CUBN: variants seen among roughly 807,000 people sequenced by gnomAD.
CUBN encodes cubilin, also known as 460 kDa receptor.
In CUBN, 282 loss-of-function variants were observed where a neutral mutation model predicts 405.3. That is an observed-to-expected ratio of 0.70 (90% CI 0.63 to 0.77). CUBN has a LOEUF of 0.77. Ranked by LOEUF, CUBN falls within the 30% of genes least tolerant of loss-of-function variation. The probability of loss-of-function intolerance (pLI) is 0.00; values close to 1 mark genes in which losing one functional copy is unlikely to be tolerated. For synonymous variants in CUBN, 1,684 were observed against 1,617.0 expected, an observed-to-expected ratio of 1.04 and a Z score of -0.99; for missense variants, 4,514 against 4,475.2, an observed-to-expected ratio of 1.01 and a Z score of -0.25.
At chr10:17,105,967 T>A (rs1203035557) in intron 10 of CUBN, among the ~76,000 whole-genome samples, 1 of 152,130 alleles carries the variant, frequency 6.6e-6, no homozygotes, top group Non-Finnish European at 1.5e-5. Context: ...CTGGACTTAC[T>A]CTGACTGATT....
intron 10 of CUBN, among the ~76,000 whole-genome samples, chr10:17,108,370 G>A (rs180792798): frequency 8.3e-6 from 1 of 120,792 alleles, no homozygotes; most frequent in Non-Finnish European, 1.8e-5. Context: ...TAAGCATTTA[G>A]TCACAAGTAT....
At chr10:17,089,483 A>G (rs909553290) in intron 14 of CUBN, among the ~76,000 whole-genome samples, 2 of 152,224 alleles carry the variant, frequency 1.3e-5, no homozygotes, top group African/African-American at 2.4e-5. Flanking sequence ...ATGTCTCTTA[A>G]ACATATGAAA....
In CUBN at chr10:16,914,987, C is replaced by T. The variant is rs369594583; in HGVS notation, c.7351+45G>A. The T allele has an allele frequency of 2.6e-6, 4 of 1,531,384 alleles. No homozygotes were observed. The African/African-American group carries it at 5.5e-5, about 21-fold the overall frequency. 94.9% of individuals were successfully genotyped at this position (1,531,384 alleles called of 1,614,324 possible). ...ACTGGTGCCTAGCATAGTGTCTGTC[C>T]AATGCAGGTGCTCAATGTTGTGTTG... On this transcript the variant is annotated intron_variant, in intron 47 of 66. Transcript: ENST00000377833.
intron 23 of CUBN, 86 bp downstream of exon 23, chr10:17,047,326 CAT>C: frequency 9.1e-7 from 1 of 1,100,548 alleles, no homozygotes; most frequent in Non-Finnish European, 1.3e-6. Flanking sequence ...AGAGAATTTC[CAT>C]ATTTTTTTCC....
At chr10:17,022,939 T>G (rs1166467095) in intron 27 of CUBN, among the ~76,000 whole-genome samples, 1 of 152,196 alleles carries the variant, frequency 6.6e-6, no homozygotes, top group Non-Finnish European at 1.5e-5. Context: ...TCCATAACTA[T>G]AATCACCCTA....
At chr10:16,831,188 T>C in intron 65 of CUBN, 64 bp downstream of exon 65, 1 of 1,445,332 alleles carries the variant, frequency 6.9e-7, no homozygotes, top group Non-Finnish European at 9.7e-7. Flanking sequence ...TACTTTGCCT[T>C]TTACTATTAG....
rs1373945583 is a variant in CUBN, at chr10:16,869,812, T to C, written c.9278A>G (p.His3093Arg). Residue 3093 changes from histidine to arginine, a missense_variant, in exon 59 of 67, where the codon CAT (histidine) becomes CGT (arginine). Physicochemically the swap from His to Arg is conservative, Grantham distance 29. This residue lies in a region of CUBN where 1,186 missense variants were observed against 1,186.9 expected (regional missense o/e 1.00). Coordinates refer to ENST00000377833, the MANE Select transcript of CUBN (RefSeq NM_001081.4). ...FDVVPSTSCS[H>R]DYLAIYDGAN... Reference sequence around the variant, plus strand: ...ACCATCGTAAATTGCCAGGTAGTCATGGGAGCAGGAGGTGGAGGGAACCAC... The same window carrying C: ...ACCATCGTAAATTGCCAGGTAGTCACGGGAGCAGGAGGTGGAGGGAACCAC... 2 of 1,613,934 alleles carry C rather than the reference T, an allele frequency of 1.2e-6. No individual in the cohort carries two copies. The highest frequency in any genetic ancestry group is 2.2e-5 in the East Asian group (1 of 44,888).
At chr10:16,847,598 A>C (rs1429975004) in intron 60 of CUBN, among the ~76,000 whole-genome samples, 1 of 152,212 alleles carries the variant, frequency 6.6e-6, no homozygotes, top group Non-Finnish European at 1.5e-5. Flanking sequence ...TGAACTCTTC[A>C]AGAGATGTCT....
At chr10:17,040,385 C>G (rs186945316) in intron 27 of CUBN, among the ~76,000 whole-genome samples, 4 of 151,990 alleles carry the variant, frequency 2.6e-5, no homozygotes, top group Non-Finnish European at 5.9e-5. Context: ...GCCAAAATAA[C>G]CTCCCAATTT....
intron 13 of CUBN, among the ~76,000 whole-genome samples, chr10:17,101,720 G>A (rs904457405): frequency 1.8e-4 from 27 of 152,240 alleles, no homozygotes; most frequent in African/African-American, 4.8e-4. Flanking sequence ...TTTGAAGAGC[G>A]TTCACGGAGC....
At chr10:17,118,424 T>C (rs1328171199) in intron 6 of CUBN, among the ~76,000 whole-genome samples, 1 of 152,190 alleles carries the variant, frequency 6.6e-6, no homozygotes, top group Non-Finnish European at 1.5e-5. Context: ...GCTGCATTTT[T>C]ATGCACCTTT....
intron 15 of CUBN, among the ~76,000 whole-genome samples, chr10:17,087,466 C>CTTTTCTTT (rs1404980820): frequency 6.1e-4 from 49 of 79,772 alleles, no homozygotes; most frequent in Middle Eastern, 7.7e-3. Context: ...TATTATTTTT[C>CTTTTCTTT]TTTTTCTTTT....
At chr10:17,054,193 T>G (rs888919303) in intron 22 of CUBN, among the ~76,000 whole-genome samples, 1 of 151,740 alleles carries the variant, frequency 6.6e-6, no homozygotes, top group East Asian at 1.9e-4. Flanking sequence ...TAACCAGGCA[T>G]GGTGGCGAGC....
intron 14 of CUBN, among the ~76,000 whole-genome samples, chr10:17,091,665 TGAG>T (rs1449364770): frequency 7.9e-5 from 12 of 152,182 alleles, no homozygotes; most frequent in African/African-American, 2.9e-4. Context: ...AAGTTCAACC[TGAG>T]GAGATCAGAA....
Position 16,840,464 on chromosome 10 carries a change from C to T in CUBN, c.9898G>A (p.Asp3300Asn), listed in dbSNP as rs1279757838. The change falls in exon 62 of 67, where the codon GAT becomes AAT. Residue 3300 changes from aspartate to asparagine, a missense_variant. Asp to Asn is a conservative substitution (Grantham distance 23). Transcript: ENST00000377833. ...CAAGTACAGATGGAAAATGGGACAT[C>T]TGGGTCTGATGAATTGGGTGATGAA... ...NISSPNSSDP[D>N]VPFSICTWVI... 6.2e-7 allele frequency: 1 copy of T among 1,613,952 alleles called. No homozygotes were observed. The highest frequency in any genetic ancestry group is 1.1e-5 in the South Asian group (1 of 91,046).
At chr10:17,015,834 G>A (rs183534198) in intron 28 of CUBN, among the ~76,000 whole-genome samples, 1 of 152,262 alleles carries the variant, frequency 6.6e-6, no homozygotes, top group East Asian at 1.9e-4. Context: ...AAACCACACT[G>A]ATAACAAGCC....
intron 36 of CUBN, among the ~76,000 whole-genome samples, chr10:16,946,164 A>C (rs1564439758): frequency 6.6e-6 from 1 of 152,210 alleles, no homozygotes; most frequent in East Asian, 1.9e-4. Context: ...AATAAATTTC[A>C]ATTCAAAACG....
intron 28 of CUBN, among the ~76,000 whole-genome samples, chr10:17,014,082 G>C (rs1287488758): frequency 1.3e-5 from 2 of 152,204 alleles, no homozygotes; most frequent in Admixed American, 6.5e-5. Flanking sequence ...TTGTCTGATA[G>C]CCATAAACTT....
chr10:16,941,540 G>C (rs73594260), intron 36 of CUBN, among the ~76,000 whole-genome samples: 15,211 of 152,118 alleles, frequency 0.1, 1,134 homozygotes, highest in African/African-American at 0.2. Flanking sequence ...TTTCATTAAA[G>C]ACATGAATAA....
Sources: gnomAD v4.1 joint callset for allele counts (sites outside exome capture counted in the v4.1 genomes callset) on GRCh38, gnomAD v4.1.1 for gene constraint, gnomAD v4.1.1 regional missense constraint, MANE v1.5 for transcripts, NCBI Gene and HGNC (gene_info 2026-07-23, HGNC 2026-07-21) for gene names.